CYTH2: variants seen among roughly 807,000 people sequenced by gnomAD.
The protein encoded by CYTH2 is cytohesin 2, also known as cytohesin-2.
CYTH2 carries 24 observed loss-of-function variants against 55.4 expected under a neutral mutation model. The observed-to-expected ratio is 0.43, with a 90% confidence interval of 0.31 to 0.61. The LOEUF (loss-of-function observed/expected upper bound fraction) is 0.61. Ranked by LOEUF, CYTH2 falls within the 20% of genes least tolerant of loss-of-function variation. The probability of loss-of-function intolerance (pLI) is 0.08; values close to 1 mark genes in which losing one functional copy is unlikely to be tolerated. For missense variants in CYTH2, 378 were observed against 533.5 expected, an observed-to-expected ratio of 0.71 and a Z score of 2.87; for synonymous variants, 221 against 209.6, an observed-to-expected ratio of 1.05 and a Z score of -0.47.
At chr19:48,472,560 C>A in intron 4 of CYTH2, 117 bp downstream of exon 4, 1 of 849,930 alleles carries the variant, frequency 1.2e-6, no homozygotes, top group Non-Finnish European at 1.9e-6. Context: ...CGCAGAGGGG[C>A]CCTGGCAGAT....
At position 48,470,510 on chromosome 19, in the gene CYTH2, G is replaced by T; in HGVS notation, c.167+10G>T. Reference sequence around the variant, plus strand: ...AGGCCAATGAGGGCAGGTGAGGGCTGGGGCGGATGACCTAGGGGGCGTGGG... The same window carrying T: ...AGGCCAATGAGGGCAGGTGAGGGCTTGGGCGGATGACCTAGGGGGCGTGGG... On this transcript the variant is annotated intron_variant, in intron 2 of 11. Coordinates refer to ENST00000452733, the MANE Select transcript of CYTH2 (RefSeq NM_004228.7). 6.2e-7 allele frequency: 1 copy of T among 1,613,646 alleles called. No homozygotes were observed.
At chr19:48,471,703 GGTT>G (rs1490210512) in intron 3 of CYTH2, among the ~76,000 whole-genome samples, 2 of 152,198 alleles carry the variant, frequency 1.3e-5, no homozygotes, top group Non-Finnish European at 1.5e-5. Flanking sequence ...TCTGCTAACA[GGTT>G]GTCACGTTAT....
At position 48,478,507 on chromosome 19, in the gene CYTH2, G is replaced by A. The variant is rs1291413971; in HGVS notation, c.1027G>A (p.Gly343Ser). Residue 343 changes from glycine to serine, a missense_variant, in exon 11 of 12, where the codon GGC becomes AGC. By Grantham distance (56) the Gly-to-Ser change is moderately conservative. Coordinates refer to ENST00000452733, the MANE Select transcript of CYTH2 (RefSeq NM_004228.7). Reference sequence around the variant, plus strand: ...CAAAGCCTGCAAAACTGAGGCGGACGGCCGAGTGGTGGAGGGAAACCACAT... The same window carrying A: ...CAAAGCCTGCAAAACTGAGGCGGACAGCCGAGTGGTGGAGGGAAACCACAT... The part of the protein sequence containing the change: ...LIKACKTEAD[G>S]RVVEGNHMVY... 3 of 1,614,158 alleles carry A rather than the reference G, an allele frequency of 1.9e-6. No individual in the cohort carries two copies. The highest frequency in any genetic ancestry group is 1.1e-5 in the South Asian group (1 of 91,088).
intron 5 of CYTH2, 199 bp downstream of exon 5, chr19:48,473,577 G>GGT (rs1410610928): frequency 1.6e-6 from 1 of 617,622 alleles, no homozygotes; most frequent in Non-Finnish European, 2.8e-6. Flanking sequence ...GAGCTCAAAT[G>GGT]GTGGTCAGAA....
chr19:48,471,394 C>T (rs1011046983), intron 3 of CYTH2, among the ~76,000 whole-genome samples: 4 of 152,152 alleles, frequency 2.6e-5, no homozygotes, highest in African/African-American at 7.2e-5. Flanking sequence ...TCAGGTGATC[C>T]GCCCGCCTCA....
rs1972014338 is a variant in CYTH2, at chr19:48,479,789, A to C, written c.*579A>C. On this transcript the variant is annotated 3_prime_UTR_variant, in exon 12 of 12. Transcript: ENST00000452733. ...TGAGCTGGGCCAGGGCTTTGAGGAC[A>C]ACCTGGAGCTGGAAGAACATGCGAC... 1.3e-5 allele frequency: 2 copies of C among 155,496 alleles called. No individual in the cohort carries two copies. Among genetic ancestry groups the C allele is most frequent in the Non-Finnish European group, 2.9e-5 (2 of 69,904 alleles). The allele number at this position is 155,496 out of a possible 1,614,324, so 9.6% of individuals were successfully genotyped here. A position where few individuals can be genotyped will look rare whatever the true frequency, so the allele number is the denominator to read the frequency against.
In CYTH2 at chr19:48,479,295, G is replaced by C; in HGVS notation, c.*85G>C. 1 of 1,458,828 alleles carries C rather than the reference G, an allele frequency of 6.9e-7. No homozygotes were observed. The highest frequency in any genetic ancestry group is 9.5e-7 in the Non-Finnish European group (1 of 1,049,512). The allele number at this position is 1,458,828 out of a possible 1,614,324, so 90.4% of individuals were successfully genotyped here. ...CTGGGCCTTGGGGCTGTGGATCCTG[G>C]TTCCCTGTTTGGAAAATTCACCACC... On this transcript the variant is annotated 3_prime_UTR_variant, in exon 12 of 12. Coordinates refer to ENST00000452733, the MANE Select transcript of CYTH2 (RefSeq NM_004228.7).
At chr19:48,477,922 T>C in intron 8 of CYTH2, 147 bp from the exon 9 acceptor site, 1 of 616,302 alleles carries the variant, frequency 1.6e-6, no homozygotes, top group Non-Finnish European at 2.9e-6. Flanking sequence ...TGGCCCTGCT[T>C]GTCTGTCTCC....
chr19:48,473,013 G>T, intron 4 of CYTH2: 1 of 396,918 alleles, frequency 2.5e-6, no homozygotes, highest in Non-Finnish European at 4.7e-6. Flanking sequence ...GGGATCATTT[G>T]AGAGAGGTGA....
chr19:48,472,560 C>T (rs1272377939), intron 4 of CYTH2, 117 bp downstream of exon 4: 5 of 849,930 alleles, frequency 5.9e-6, no homozygotes, highest in Non-Finnish European at 9.6e-6. Flanking sequence ...CGCAGAGGGG[C>T]CCTGGCAGAT....
chr19:48,472,626 G>A (rs1415391536), intron 4 of CYTH2, 183 bp downstream of exon 4: 4 of 653,208 alleles, frequency 6.1e-6, no homozygotes, highest in South Asian at 1.6e-5. Context: ...GGGAGCCTGC[G>A]GCCAACCGAG....
Position 48,479,617 on chromosome 19 carries a change from A to C in CYTH2, c.*407A>C, listed in dbSNP as rs1456286115. 5.1e-6 allele frequency: 1 copy of C among 196,570 alleles called. No homozygotes were observed. The highest frequency in any genetic ancestry group is 2.3e-5 in the African/African-American group (1 of 43,450). The allele number at this position is 196,570 out of a possible 1,614,324, so 12.2% of individuals were successfully genotyped here. ...TGGCCGGGGACAGAGTTTAGAATGC[A>C]GGGATTCAGGGTCAAGGTCTAGCAT... On this transcript the variant is annotated 3_prime_UTR_variant, in exon 12 of 12. Coordinates refer to ENST00000452733, the MANE Select transcript of CYTH2 (RefSeq NM_004228.7).
Position 48,473,314 on chromosome 19 carries a change from G to A in CYTH2, c.370G>A (p.Ala124Thr). Residue 124 changes from alanine to threonine, a missense_variant, in exon 5 of 12, where the codon GCA (alanine) becomes ACA (threonine). Ala to Thr is a moderately conservative substitution (Grantham distance 58, BLOSUM62 0). Coordinates refer to ENST00000452733, the MANE Select transcript of CYTH2 (RefSeq NM_004228.7). ...TCCTTCCAGGGAAGAACTGAACCTGGCAGTGCTCCATGCTTTTGTGGATCT... is the reference window on the plus strand; with the variant it reads ...TCCTTCCAGGGAAGAACTGAACCTGACAGTGCTCCATGCTTTTGTGGATCT... ...YLGEREELNL[A>T]VLHAFVDLHE... 1 of 1,614,076 alleles carries A rather than the reference G, an allele frequency of 6.2e-7. No homozygotes were observed.
rs1029005096 is a variant in CYTH2 at position 48,480,649 on chromosome 19, T to G, written c.*1439T>G. 1 of 152,108 alleles carries G rather than the reference T, an allele frequency of 6.6e-6. No individual in the cohort carries two copies. Among genetic ancestry groups the G allele is most frequent in the Non-Finnish European group, 1.5e-5 (1 of 68,010 alleles). 9.4% of individuals were successfully genotyped at this position (152,108 alleles called of 1,614,324 possible). On this transcript the variant is annotated 3_prime_UTR_variant, in exon 12 of 12. Coordinates refer to ENST00000452733, the MANE Select transcript of CYTH2 (RefSeq NM_004228.7). ...TTTTCTTAGTCAGATCCCGTACTTT[T>G]GTGGAGGGTAGAGGAGGCTTTGACC...
At chr19:48,473,522 T>C in intron 5 of CYTH2, 144 bp downstream of exon 5, 1 of 807,144 alleles carries the variant, frequency 1.2e-6, no homozygotes, top group Admixed American at 2.4e-5. Context: ...TCCTGCACCA[T>C]AAAAGTTCAG....
chr19:48,472,780 G>A, intron 4 of CYTH2: 3 of 390,300 alleles, frequency 7.7e-6, no homozygotes, highest in Admixed American at 3.7e-5. Flanking sequence ...CATAGGCACT[G>A]GGTGGCCATC....
At position 48,478,431 on chromosome 19, in the gene CYTH2, T is replaced by C; in HGVS notation, c.958-7T>C. On this transcript the variant is annotated splice_region_variant and splice_polypyrimidine_tract_variant and intron_variant, in intron 10 of 11. Transcript: ENST00000452733. ...TCTTACCTGCGCCCTTCCTCTCTCG[T>C]CCCCAGAACTGCTTTGAACTTTACA... 6.2e-7 allele frequency: 1 copy of C among 1,613,476 alleles called. No individual in the cohort carries two copies. The highest frequency in any genetic ancestry group is 8.5e-7 in the Non-Finnish European group (1 of 1,179,574).
chr19:48,474,043 G>A lies in CYTH2; in HGVS notation c.547+26G>A. ...GTGCGGGCCCCAAATCCTGGGTCCTGGGAAAGAGGAGACTGGGGCCCAGAC... is the reference window on the plus strand; with the variant it reads ...GTGCGGGCCCCAAATCCTGGGTCCTAGGAAAGAGGAGACTGGGGCCCAGAC... On this transcript the variant is annotated intron_variant, in intron 6 of 11. Transcript: ENST00000452733. This position sits in a 1 kb window ranked among gnomAD's most constrained non-coding sequence, Gnocchi z 4.9. 6.3e-7 allele frequency: 1 copy of A among 1,583,136 alleles called. No individual in the cohort carries two copies. Among genetic ancestry groups the A allele is most frequent in the Non-Finnish European group, 8.6e-7 (1 of 1,165,382 alleles).
At chr19:48,470,144 C>T (rs1433815824) in intron 1 of CYTH2, 3 of 823,366 alleles carry the variant, frequency 3.6e-6, no homozygotes, top group Non-Finnish European at 4.1e-6. Context: ...AATCCGGGCC[C>T]CAATTCCCCT....
Sources: gnomAD v4.1 joint callset for allele counts (sites outside exome capture counted in the v4.1 genomes callset) on GRCh38, gnomAD v4.1.1 for gene constraint, Gnocchi (gnomAD v3.1) non-coding constraint, MANE v1.5 for transcripts, NCBI Gene and HGNC (gene_info 2026-07-23, HGNC 2026-07-21) for gene names.